Variants in ROBO2 observed in about 807,000 individuals in gnomAD.
The protein encoded by ROBO2 is roundabout guidance receptor 2, also known as roundabout homolog 2.
A neutral mutation model predicts 160.8 loss-of-function variants in ROBO2; 53 were observed. That is an observed-to-expected ratio of 0.33 (90% CI 0.26 to 0.41). The LOEUF is 0.41. Ranked by LOEUF, ROBO2 falls within the 10% of genes least tolerant of loss-of-function variation. The pLI is 1.00. For missense variants in ROBO2, 1,577 were observed against 1,722.4 expected (o/e 0.92, Z 1.49); for synonymous variants, 664 against 611.7 (o/e 1.09, Z -1.26).
intron 2 of ROBO2, among the ~76,000 whole-genome samples, chr3:76,181,588 T>C (rs1701505623): frequency 6.6e-6 from 1 of 152,188 alleles, no homozygotes; most frequent in Non-Finnish European, 1.5e-5. Context: ...GGATATTTCC[T>C]ATGCTTCAAG....
chr3:76,896,166 T>C (rs561206257), intron 2 of ROBO2, among the ~76,000 whole-genome samples: 1 of 152,350 alleles, frequency 6.6e-6, no homozygotes, highest in Admixed American at 6.5e-5. Context: ...CTATTATTAA[T>C]GTACACATTA....
intron 5 of ROBO2, among the ~76,000 whole-genome samples, chr3:77,508,015 C>G (rs1426673858): frequency 1.3e-5 from 2 of 151,786 alleles, no homozygotes; most frequent in East Asian, 3.9e-4. Context: ...TGAAATACTC[C>G]TTTCTGATCA....
intron 2 of ROBO2, among the ~76,000 whole-genome samples, chr3:76,760,005 G>T (rs745810588): frequency 2.0e-5 from 3 of 151,776 alleles, no homozygotes; most frequent in Non-Finnish European, 3.0e-5. Flanking sequence ...TCTTAAGTTC[G>T]TTCCAACTCT....
rs1553656217 is a variant in ROBO2 at position 76,141,177 on chromosome 3, A to AT, written c.109+203576dup. On this transcript the variant is annotated intron_variant, in intron 2 of 26. Coordinates refer to the ROBO2 transcript ENST00000487694. Reference sequence around the variant, plus strand: ...TCTCTCTCTATATATATATATATATATATATATATATTTAATGTCTGATAT... The same window carrying AT: ...TCTCTCTCTATATATATATATATATATTATATATATATTTAATGTCTGATAT... Among the ~76,000 whole-genome samples, 5 of 103,224 alleles carry AT rather than the reference A, an allele frequency of 4.8e-5. No individual in the cohort carries two copies. In the Admixed American group the frequency reaches 5.4e-4, roughly 11 times the overall value. 67.7% of individuals were successfully genotyped at this position (103,224 alleles called of 152,430 possible).
intron 2 of ROBO2, among the ~76,000 whole-genome samples, chr3:76,974,357 G>A (rs2059712844): frequency 6.6e-6 from 1 of 151,862 alleles, no homozygotes; most frequent in Non-Finnish European, 1.5e-5. Context: ...TTAGACAAAG[G>A]AAAAATGTTT....
chr3:76,918,129 T>A (rs1468217154), intron 2 of ROBO2, among the ~76,000 whole-genome samples: 2 of 152,194 alleles, frequency 1.3e-5, no homozygotes, highest in Non-Finnish European at 2.9e-5. Context: ...AGATATTTGA[T>A]AGGGCTTGGC....
intron 2 of ROBO2, among the ~76,000 whole-genome samples, chr3:76,625,414 ACACAG>A (rs1370347087): frequency 6.6e-6 from 1 of 152,216 alleles, no homozygotes; most frequent in African/African-American, 2.4e-5. Flanking sequence ...GCAGCAAACA[ACACAG>A]CCAGATGTCA....
chr3:76,619,122 C>T (rs2088843425), intron 2 of ROBO2, among the ~76,000 whole-genome samples: 2 of 151,564 alleles, frequency 1.3e-5, no homozygotes, highest in African/African-American at 4.9e-5. Context: ...GGGCGGATCA[C>T]GAGGTCAGGA....
intron 2 of ROBO2, among the ~76,000 whole-genome samples, chr3:76,827,865 C>G (rs902001620): frequency 5.9e-5 from 9 of 151,958 alleles, no homozygotes; most frequent in Admixed American, 6.6e-5. Flanking sequence ...TACTACCTCA[C>G]AGATTACTTT....
chr3:76,178,736 AG>A (rs1055608077), intron 2 of ROBO2, among the ~76,000 whole-genome samples: 76 of 152,206 alleles, frequency 5.0e-4, no homozygotes, highest in African/African-American at 1.8e-3. Flanking sequence ...CAAGGTCAGG[AG>A]TTTGAGACCA....
chr3:77,457,835 T>C, intron 2 of ROBO2, among the ~76,000 whole-genome samples: 1 of 152,132 alleles, frequency 6.6e-6, no homozygotes, highest in Non-Finnish European at 1.5e-5. Flanking sequence ...TAATTTAATA[T>C]TTGTTAAATT....
At chr3:77,388,625 T>A (rs1200119040) in intron 2 of ROBO2, among the ~76,000 whole-genome samples, 2 of 152,186 alleles carry the variant, frequency 1.3e-5, no homozygotes, top group African/African-American at 4.8e-5. Flanking sequence ...TTGTATATAT[T>A]TAAGGTGATA....
chr3:77,080,489 A>G (rs772734295), intron 1 of ROBO2, among the ~76,000 whole-genome samples: 2 of 152,200 alleles, frequency 1.3e-5, no homozygotes, highest in Non-Finnish European at 2.9e-5. Context: ...CTCCAATGAG[A>G]TAGGAATTGA....
At chr3:77,457,980 C>G (rs2153568372) in intron 2 of ROBO2, among the ~76,000 whole-genome samples, 1 of 152,250 alleles carries the variant, frequency 6.6e-6, no homozygotes, top group East Asian at 1.9e-4. Context: ...TTAAATATCT[C>G]TATTTGATTA....
intron 2 of ROBO2, among the ~76,000 whole-genome samples, chr3:76,450,749 C>G (rs1320380950): frequency 6.6e-6 from 1 of 152,028 alleles, no homozygotes; most frequent in African/African-American, 2.4e-5. Flanking sequence ...AGATGAAACA[C>G]TAAAAAAATT....
intron 1 of ROBO2, among the ~76,000 whole-genome samples, chr3:77,067,026 ACT>A (rs1411683342): frequency 1.0e-3 from 137 of 131,318 alleles, no homozygotes; most frequent in Admixed American, 3.8e-3. Flanking sequence ...ACACACACAC[ACT>A]CACACACACA....
At chr3:76,430,312 A>G (rs943652416) in intron 2 of ROBO2, among the ~76,000 whole-genome samples, 2 of 152,164 alleles carry the variant, frequency 1.3e-5, no homozygotes, top group African/African-American at 4.8e-5. Context: ...ATATGAAATA[A>G]AAAATAATTT....
chr3:77,188,226 G>T (rs2081462523), intron 2 of ROBO2, among the ~76,000 whole-genome samples: 2 of 143,032 alleles, frequency 1.4e-5, no homozygotes, highest in African/African-American at 6.0e-5. Context: ...TGCTCTGAAG[G>T]GTAAAAGCCA....
chr3:77,625,380 TTTC>T (rs1305775891), intron 23 of ROBO2, among the ~76,000 whole-genome samples: 3 of 152,002 alleles, frequency 2.0e-5, no homozygotes, highest in East Asian at 1.9e-4. Flanking sequence ...TCTTTCTTTC[TTTC>T]TTCTTTTTTT....
Sources: allele counts gnomAD v4.1 joint callset (sites outside exome capture counted in the v4.1 genomes callset), GRCh38; gene constraint gnomAD v4.1.1; transcripts MANE v1.5; gene names NCBI Gene and HGNC (gene_info 2026-07-23, HGNC 2026-07-21).